The following BMP3 variants were observed in gnomAD, a reference collection of about 807,000 sequenced individuals.
BMP3 encodes bone morphogenetic protein 3 (osteogenic).
BMP3 carries 23 observed loss-of-function variants against 38.1 expected under a neutral mutation model. The ratio of observed to expected loss-of-function variants is 0.60; its 90% CI spans 0.43 to 0.86. The LOEUF (loss-of-function observed/expected upper bound fraction) is 0.86, where lower values mean the gene tolerates loss of function less well. Among genes scored for constraint, BMP3 ranks in the 40% least tolerant of loss-of-function variants. The probability of loss-of-function intolerance (pLI) is 0.00; values close to 1 mark genes in which losing one functional copy is unlikely to be tolerated. For missense variants in BMP3, 628 were observed against 579.6 expected, an observed-to-expected ratio of 1.08 and a Z score of -0.86; for synonymous variants, 258 against 225.7, an observed-to-expected ratio of 1.14 and a Z score of -1.28.
chr4:81,048,824 A>G (rs1297376405), intron 2 of BMP3, among the ~76,000 whole-genome samples: 1 of 152,232 alleles, frequency 6.6e-6, no homozygotes, highest in Non-Finnish European at 1.5e-5. Context: ...CCCTGGATTT[A>G]GTTAATATGT....
chr4:81,049,195 G>A (rs1164857182), intron 2 of BMP3, among the ~76,000 whole-genome samples: 1 of 152,148 alleles, frequency 6.6e-6, no homozygotes, highest in Non-Finnish European at 1.5e-5. Flanking sequence ...TTCTGAGACT[G>A]AGGAGAAAGA....
rs887222707 is a variant in BMP3, at chr4:81,036,680, T to C, written c.316+5080T>C. Among the ~76,000 whole-genome samples the C allele has an allele frequency of 5.3e-5, 8 of 152,054 alleles. 1 individual carries two copies. Among genetic ancestry groups the C allele is most frequent in the Admixed American group, 3.9e-4 (6 of 15,262 alleles). On this transcript the variant is annotated intron_variant, in intron 1 of 2. Coordinates refer to ENST00000282701, the MANE Select transcript of BMP3 (RefSeq NM_001201.5). ...ATTTGTAATAGAAATATTGACTTTA[T>C]ATTAATCAAGTAATACAAGTATACC...
At chr4:81,052,053 G>C (rs1245456030) in intron 2 of BMP3, among the ~76,000 whole-genome samples, 1 of 150,116 alleles carries the variant, frequency 6.7e-6, no homozygotes, top group South Asian at 2.1e-4. Context: ...CTTCTCCCTT[G>C]GTTTGTATAT....
intron 1 of BMP3, among the ~76,000 whole-genome samples, chr4:81,043,692 A>G (rs1420203941): frequency 6.6e-6 from 1 of 150,702 alleles, no homozygotes; most frequent in Non-Finnish European, 1.5e-5. Flanking sequence ...GACTCAAGCG[A>G]TTCTCCTGCC....
rs777732680 is a variant in BMP3 at position 81,046,156 on chromosome 4, T to C, written c.735T>C (p.Asn245=). ...FPEPYILVYA[N]DAAISEPESV... is the part of the protein sequence containing the mutation. Reference sequence around the variant, plus strand: ...AGCCTTATATCTTGGTATATGCCAATGATGCCGCCATTTCTGAGCCAGAAA... The same window carrying C: ...AGCCTTATATCTTGGTATATGCCAACGATGCCGCCATTTCTGAGCCAGAAA... Residue 245 remains asparagine (N), a synonymous_variant, in exon 2 of 3, where the codon AAT becomes AAC. Transcript: ENST00000282701. The C allele has an allele frequency of 6.2e-7, 1 of 1,614,134 alleles. No homozygotes were observed. The highest frequency in any genetic ancestry group is 8.5e-7 in the Non-Finnish European group (1 of 1,180,036).
intron 1 of BMP3, among the ~76,000 whole-genome samples, chr4:81,041,117 C>T (rs1221095974): frequency 6.6e-6 from 1 of 152,132 alleles, no homozygotes; most frequent in Non-Finnish European, 1.5e-5. Flanking sequence ...AAGTTACTCA[C>T]CTTACAAGTT....
rs147425405 is a variant in BMP3 at position 81,046,531 on chromosome 4, C to T, written c.1110C>T (p.Cys370=). ...AGCAGTGGATTGAACCTCGGAATTG[C>T]GCCAGGAGATACCTCAAGGTAGACT... ...RRKQWIEPRN[C]ARRYLKVDFA... is the part of the protein sequence containing the mutation. The change falls in exon 2 of 3, where the codon TGC becomes TGT. Residue 370 remains cysteine (C), a synonymous_variant. Transcript: ENST00000282701. 15 of 1,613,990 alleles carry T rather than the reference C, an allele frequency of 9.3e-6. No individual in the cohort carries two copies. The highest frequency in any genetic ancestry group is 5.3e-5 in the African/African-American group (4 of 74,910).
chr4:81,051,200 T>C (rs533040123), intron 2 of BMP3, among the ~76,000 whole-genome samples: 1 of 152,256 alleles, frequency 6.6e-6, no homozygotes, highest in South Asian at 2.1e-4. Flanking sequence ...GGAATTTTCC[T>C]AGGAAACACC....
Position 81,046,071 on chromosome 4 carries a change from T to C in BMP3, c.650T>C (p.Ile217Thr), listed in dbSNP as rs748030422. The change falls in exon 2 of 3, where the codon ATA (isoleucine) becomes ACA (threonine). Residue 217 changes from isoleucine to threonine, a missense_variant. Coordinates refer to ENST00000282701, the MANE Select transcript of BMP3 (RefSeq NM_001201.5). ...RKAKENEEFL[I>T]GFNITSKGRQ... ...GCCAAAGAAAATGAAGAGTTCCTCA[T>C]AGGATTTAACATTACGTCCAAGGGA... 9 of 1,614,036 alleles carry C rather than the reference T, an allele frequency of 5.6e-6. No homozygotes were observed. Among genetic ancestry groups the C allele is most frequent in the East Asian group, 2.2e-5 (1 of 44,904 alleles).
intron 1 of BMP3, among the ~76,000 whole-genome samples, chr4:81,035,368 A>G (rs1739895782): frequency 6.6e-6 from 1 of 152,054 alleles, no homozygotes; most frequent in Non-Finnish European, 1.5e-5. Context: ...TCCTAAGCAA[A>G]TAATTCACTC....
Position 81,031,223 on chromosome 4 carries a change from T to C in BMP3, c.-62T>C. 2 of 1,464,926 alleles carry C rather than the reference T, an allele frequency of 1.4e-6. No individual in the cohort carries two copies. The highest frequency in any genetic ancestry group is 4.9e-5 in the Admixed American group (2 of 40,496). 90.7% of individuals were successfully genotyped at this position (1,464,926 alleles called of 1,614,324 possible). On this transcript the variant is annotated 5_prime_UTR_variant, in exon 1 of 3. Coordinates refer to ENST00000282701, the MANE Select transcript of BMP3 (RefSeq NM_001201.5). ...AACCCTCGGCTCCGCCGCCGGCTCCTTGCGCCTTCGGAGTGTCCCGCAGCG... is the reference window on the plus strand; with the variant it reads ...AACCCTCGGCTCCGCCGCCGGCTCCCTGCGCCTTCGGAGTGTCCCGCAGCG...
chr4:81,049,072 A>G (rs574344793), intron 2 of BMP3, among the ~76,000 whole-genome samples: 16 of 152,332 alleles, frequency 1.1e-4, no homozygotes, highest in African/African-American at 3.4e-4. Flanking sequence ...AGTAAATAGT[A>G]AAAATAATAG....
In BMP3 at chr4:81,052,657, C is replaced by A. The variant is rs150826549; in HGVS notation, c.1228-688C>A. Among the ~76,000 whole-genome samples the A allele has an allele frequency of 6.7e-3, 1,016 of 152,152 alleles. 12 individuals are homozygous for A. The highest frequency in any genetic ancestry group is 0.023 in the African/African-American group (949 of 41,508). ...TCTAAACCAGTGGAGCAACAGTGAC[C>A]CCCAGTGGCCAATGGTGTGGTCTTC... On this transcript the variant is annotated intron_variant, in intron 2 of 2. Coordinates refer to ENST00000282701, the MANE Select transcript of BMP3 (RefSeq NM_001201.5).
At chr4:81,039,651 T>C (rs1740016925) in intron 1 of BMP3, among the ~76,000 whole-genome samples, 1 of 152,232 alleles carries the variant, frequency 6.6e-6, no homozygotes. Flanking sequence ...ATCAAACTCC[T>C]TTTAAAACGC....
At position 81,031,439 on chromosome 4, in the gene BMP3, C is replaced by T; in HGVS notation, c.155C>T (p.Pro52Leu). 6.2e-7 allele frequency: 1 copy of T among 1,613,836 alleles called. No homozygotes were observed. Among genetic ancestry groups the T allele is most frequent in the Non-Finnish European group, 8.5e-7 (1 of 1,179,900 alleles). ...GGTGGCCCGGACTCCGAGCTGCAGC[C>T]GCAAGACAAGGTCTCTGAACACATG... ...AGGGPDSELQ[P>L]QDKVSEHMLR... Residue 52 changes from proline (P) to leucine (L), a missense_variant, in exon 1 of 3, where the codon CCG (proline) becomes CTG (leucine). Physicochemically the swap from Pro to Leu is moderately conservative, Grantham distance 98 (BLOSUM62 -3). Transcript: ENST00000282701.
At chr4:81,040,845 G>C (rs1310497414) in intron 1 of BMP3, among the ~76,000 whole-genome samples, 1 of 152,036 alleles carries the variant, frequency 6.6e-6, no homozygotes, top group East Asian at 1.9e-4. Flanking sequence ...AGTATTTTTT[G>C]TAACCTGAAA....
In BMP3 at chr4:81,053,904, A is replaced by G. The variant is rs1462742670; in HGVS notation, c.*368A>G. 1 of 155,678 alleles carries G rather than the reference A, an allele frequency of 6.4e-6. No homozygotes were observed. Among genetic ancestry groups the G allele is most frequent in the African/African-American group, 2.4e-5 (1 of 41,610 alleles). 9.6% of individuals were successfully genotyped at this position (155,678 alleles called of 1,614,324 possible). Reference sequence around the variant, plus strand: ...CAATAGCTTGTCATTTATCTCATTTAATGACTAATGGGAAATAGAGAACAA... The same window carrying G: ...CAATAGCTTGTCATTTATCTCATTTGATGACTAATGGGAAATAGAGAACAA... On this transcript the variant is annotated 3_prime_UTR_variant, in exon 3 of 3. Transcript: ENST00000282701.
chr4:81,043,742 T>G (rs1740157269), intron 1 of BMP3, among the ~76,000 whole-genome samples: 1 of 151,954 alleles, frequency 6.6e-6, no homozygotes, highest in African/African-American at 2.4e-5. Flanking sequence ...TGTGTGCCAC[T>G]ACCGCCTTGC....
chr4:81,047,754 G>A (rs938730811), intron 2 of BMP3, among the ~76,000 whole-genome samples: 1 of 152,034 alleles, frequency 6.6e-6, no homozygotes, highest in South Asian at 2.1e-4. Flanking sequence ...TATAATCATT[G>A]GGATGACAAG....
Sources: allele counts gnomAD v4.1 joint callset (sites outside exome capture counted in the v4.1 genomes callset), GRCh38; gene constraint gnomAD v4.1.1; transcripts MANE v1.5; gene names NCBI Gene and HGNC (gene_info 2026-07-23, HGNC 2026-07-21).